Variants in PLCB1 observed in about 807,000 individuals in gnomAD.
The protein encoded by PLCB1 is 1-phosphatidylinositol 4,5-bisphosphate phosphodiesterase beta-1.
PLCB1 carries 46 observed loss-of-function variants against 161.8 expected under a neutral mutation model. The ratio of observed to expected loss-of-function variants is 0.28; its 90% CI spans 0.22 to 0.36. PLCB1 has a LOEUF of 0.36. Among genes scored for constraint, PLCB1 ranks in the 10% least tolerant of loss-of-function variants. The probability of loss-of-function intolerance (pLI) is 1.00; values close to 1 mark genes in which losing one functional copy is unlikely to be tolerated. For synonymous variants in PLCB1, 517 were observed against 503.7 expected (o/e 1.03, Z -0.35); for missense variants, 1,016 against 1,472.5 (o/e 0.69, Z 5.07).
At chr20:8,864,440 T>A (rs1037419121) in intron 31 of PLCB1, among the ~76,000 whole-genome samples, 1 of 152,232 alleles carries the variant, frequency 6.6e-6, no homozygotes, top group African/African-American at 2.4e-5. Flanking sequence ...CTCCTACTAG[T>A]CTTGGGACTT....
At chr20:8,507,070 C>A (rs1165760664) in intron 3 of PLCB1, among the ~76,000 whole-genome samples, 2 of 152,036 alleles carry the variant, frequency 1.3e-5, no homozygotes, top group Middle Eastern at 3.2e-3. Context: ...GTATTGTATA[C>A]TGTATTCTTA....
intron 2 of PLCB1, among the ~76,000 whole-genome samples, chr20:8,369,967 C>A (rs1006476585): frequency 1.3e-5 from 2 of 152,178 alleles, no homozygotes; most frequent in Non-Finnish European, 2.9e-5. Flanking sequence ...GAACTGGCAG[C>A]AGCTGTTTGA....
chr20:8,757,197 G>T lies in PLCB1; in HGVS notation c.2656+19G>T, dbSNP rs1254067033. 1.3e-6 allele frequency: 2 copies of T among 1,599,372 alleles called. No individual in the cohort carries two copies. The highest frequency in any genetic ancestry group is 1.7e-6 in the Non-Finnish European group (2 of 1,174,180). On this transcript the variant is annotated intron_variant, in intron 24 of 31. Coordinates refer to ENST00000338037, the MANE Select transcript of PLCB1 (RefSeq NM_015192.4). Reference sequence around the variant, plus strand: ...GCTCCAGGTAAGCCATCTGGAAAGAGCTGGACAACATGAGCAAGATCCTCC... The same window carrying T: ...GCTCCAGGTAAGCCATCTGGAAAGATCTGGACAACATGAGCAAGATCCTCC...
chr20:8,565,875 G>A (rs936195101), intron 3 of PLCB1, among the ~76,000 whole-genome samples: 6 of 152,098 alleles, frequency 3.9e-5, no homozygotes, highest in Non-Finnish European at 8.8e-5. Flanking sequence ...AGGCAAATTT[G>A]CATTTGGATG....
chr20:8,559,824 A>T (rs1259097647), intron 3 of PLCB1, among the ~76,000 whole-genome samples: 1 of 152,026 alleles, frequency 6.6e-6, no homozygotes, highest in Non-Finnish European at 1.5e-5. Context: ...GAATGAGCCT[A>T]GGTCGGTCTT....
rs1000882559 is a variant in PLCB1 at position 8,884,670 on chromosome 20, G to A, written c.*2821G>A. 1.3e-5 allele frequency: 2 copies of A among 152,534 alleles called. No individual in the cohort carries two copies. Among genetic ancestry groups the A allele is most frequent in the Non-Finnish European group, 2.9e-5 (2 of 68,030 alleles). 9.4% of individuals were successfully genotyped at this position (152,534 alleles called of 1,614,324 possible). On this transcript the variant is annotated 3_prime_UTR_variant, in exon 32 of 32. Coordinates refer to ENST00000338037, the MANE Select transcript of PLCB1 (RefSeq NM_015192.4). ...CACTGTGTTAATATTGTTTGTGATG[G>A]ATTGGACGTTGTGACTCTTGCCTTT...
chr20:8,409,524 A>G (rs1054407514), intron 3 of PLCB1, among the ~76,000 whole-genome samples: 2 of 151,780 alleles, frequency 1.3e-5, no homozygotes, highest in African/African-American at 2.4e-5. Context: ...GTGCAATGGC[A>G]TGGTCTTGGC....
intron 3 of PLCB1, among the ~76,000 whole-genome samples, chr20:8,434,392 A>AATAT (rs1283235550): frequency 1.3e-5 from 2 of 152,216 alleles, no homozygotes; most frequent in African/African-American, 4.8e-5. Flanking sequence ...AAATAATAAT[A>AATAT]ATATATGAAA....
chr20:8,440,838 T>TA (rs1980526830), intron 3 of PLCB1, among the ~76,000 whole-genome samples: 1 of 149,734 alleles, frequency 6.7e-6, no homozygotes, highest in African/African-American at 2.4e-5. Flanking sequence ...GTTTTTGATT[T>TA]TATATATATA....
chr20:8,605,780 A>G (rs1004687509), intron 3 of PLCB1, among the ~76,000 whole-genome samples: 90 of 151,994 alleles, frequency 5.9e-4, no homozygotes, highest in African/African-American at 2.1e-3. Flanking sequence ...TAATTTTTCA[A>G]CGTTCACTCT....
At chr20:8,282,242 A>G (rs1335236488) in intron 2 of PLCB1, among the ~76,000 whole-genome samples, 2 of 152,200 alleles carry the variant, frequency 1.3e-5, no homozygotes, top group African/African-American at 2.4e-5. Flanking sequence ...AATAAAAACA[A>G]GAGAATCACA....
At chr20:8,814,615 A>G (rs1480203678) in intron 31 of PLCB1, among the ~76,000 whole-genome samples, 4 of 142,050 alleles carry the variant, frequency 2.8e-5, no homozygotes, top group African/African-American at 1.2e-4. Context: ...GTGTGTAAAC[A>G]TATTTAAAAG....
intron 31 of PLCB1, among the ~76,000 whole-genome samples, chr20:8,835,170 A>C (rs764457927): frequency 1.8e-4 from 14 of 79,384 alleles, no homozygotes; most frequent in Non-Finnish European, 3.1e-4. Context: ...GGAAGAGTAA[A>C]ATTTCTAGGA....
rs375028388 is a variant in PLCB1, at chr20:8,159,988, CAA to C, written c.177+9636_177+9637del. ...GGGCAACAAGAGTGAAACTCCATCT[CAA>C]AAAAAAAAAAAAAAAAAAGAAAAAA... is the stretch of plus-strand genomic sequence containing the variant. On this transcript the variant is annotated intron_variant, in intron 2 of 31. Transcript: ENST00000338037. 3.3e-3 allele frequency among the ~76,000 whole-genome samples: 261 copies of C among 79,308 alleles called. 4 individuals carry two copies. Among genetic ancestry groups the C allele is most frequent in the African/African-American group, 0.011 (246 of 22,786 alleles). The allele number at this position is 79,308 out of a possible 152,430, so 52.0% of individuals were successfully genotyped here. A position where few individuals can be genotyped will look rare whatever the true frequency, so the allele number is the denominator to read the frequency against.
intron 2 of PLCB1, among the ~76,000 whole-genome samples, chr20:8,155,993 A>C (rs2051556272): frequency 6.6e-6 from 1 of 152,072 alleles, no homozygotes; most frequent in Non-Finnish European, 1.5e-5. Context: ...CCTTTCCTTC[A>C]CCTTCCTTGA....
intron 7 of PLCB1, among the ~76,000 whole-genome samples, chr20:8,651,119 T>G (rs746454089): frequency 6.6e-5 from 10 of 152,222 alleles, no homozygotes; most frequent in Non-Finnish European, 1.3e-4. Context: ...CTTTCATTAT[T>G]TTTATCTGAG....
intron 2 of PLCB1, among the ~76,000 whole-genome samples, chr20:8,208,686 A>G (rs1978660025): frequency 6.6e-6 from 1 of 152,110 alleles, no homozygotes; most frequent in East Asian, 1.9e-4. Context: ...AGGAGTTTGT[A>G]TATGCTTTTT....
chr20:8,818,165 T>G (rs937291325), intron 31 of PLCB1, among the ~76,000 whole-genome samples: 1 of 152,202 alleles, frequency 6.6e-6, no homozygotes, highest in Non-Finnish European at 1.5e-5. Flanking sequence ...AATTCATAGA[T>G]TCACAAATTC....
intron 2 of PLCB1, among the ~76,000 whole-genome samples, chr20:8,241,116 C>T (rs1484946602): frequency 2.0e-5 from 3 of 151,932 alleles, no homozygotes; most frequent in Non-Finnish European, 2.9e-5. Context: ...TTGAATTTCT[C>T]CTGGTTTAGA....
Sources: allele counts gnomAD v4.1 joint callset (sites outside exome capture counted in the v4.1 genomes callset), GRCh38; gene constraint gnomAD v4.1.1; transcripts MANE v1.5; gene names NCBI Gene and HGNC (gene_info 2026-07-23, HGNC 2026-07-21).